YIPF7: variants seen among roughly 807,000 people sequenced by gnomAD.
The protein encoded by YIPF7 is protein YIPF7.
Under a neutral mutation model 27.2 loss-of-function variants are expected in YIPF7, and 35 were observed. The observed-to-expected ratio is 1.29, with a 90% CI of 0.98 to 1.70. YIPF7 has a LOEUF of 1.70. YIPF7 is among the 40% of genes most tolerant of loss of function. The pLI is 0.00. For synonymous variants in YIPF7, 137 were observed against 110.4 expected, an observed-to-expected ratio of 1.24 and a Z score of -1.51; for missense variants, 358 against 303.7, an observed-to-expected ratio of 1.18 and a Z score of -1.33.
At chr4:44,636,162 C>T in intron 2 of YIPF7, 77 bp from the exon 3 acceptor site, 2 of 1,410,786 alleles carry the variant, frequency 1.4e-6, no homozygotes, top group South Asian at 3.1e-5. Context: ...TACAATTTTA[C>T]TTACATGAAT....
Position 44,657,988 on chromosome 4 carries a change from G to A in YIPF7, c.-2+2461C>T, listed in dbSNP as rs112010267. ...AATCCTAGCACTTTGGGAGGCTGAG[G>A]TGGGAGGATCACTTGAGCCCAGGAG... On this transcript the variant is annotated intron_variant, in intron 2 of 2. Coordinates refer to the YIPF7 transcript ENST00000508947. Among the ~76,000 whole-genome samples, 1,299 of 152,214 alleles carry A rather than the reference G, an allele frequency of 8.5e-3. 13 individuals are homozygous for A. Among genetic ancestry groups the A allele is most frequent in the African/African-American group, 0.027 (1,113 of 41,516 alleles).
At chr4:44,638,340 T>C (rs1229832179) in intron 2 of YIPF7, among the ~76,000 whole-genome samples, 1 of 151,784 alleles carries the variant, frequency 6.6e-6, no homozygotes, top group Non-Finnish European at 1.5e-5. Flanking sequence ...CCGCCAGTCA[T>C]GAGTGCATGT....
At chr4:44,651,481 AC>A in intron 1 of YIPF7, 72 bp downstream of exon 1, 1 of 963,096 alleles carries the variant, frequency 1.0e-6, no homozygotes, top group Admixed American at 3.0e-5. Flanking sequence ...GACTATTGGT[AC>A]TACAGTCCTT....
Position 44,636,778 on chromosome 4 carries a change from A to G in YIPF7, c.117-693T>C, listed in dbSNP as rs553768886. Reference sequence around the variant, plus strand: ...CTCTTTATTTTATTTGTACAAATTTATGGGGTACGTATAAAATTTTGTTAC... The same window carrying G: ...CTCTTTATTTTATTTGTACAAATTTGTGGGGTACGTATAAAATTTTGTTAC... On this transcript the variant is annotated intron_variant, in intron 2 of 5. Coordinates refer to ENST00000415895, the MANE Select transcript of YIPF7 (RefSeq NM_182592.3). 2.0e-5 allele frequency among the ~76,000 whole-genome samples: 3 copies of G among 152,214 alleles called. No homozygotes were observed. In the South Asian group the frequency reaches 6.2e-4, roughly 32 times the overall value.
chr4:44,624,601 T>C lies in YIPF7; in HGVS notation c.608A>G (p.Gln203Arg), dbSNP rs1482123817. Residue 203 changes from glutamine to arginine, a missense_variant and splice_region_variant, in exon 5 of 6, where the codon CAG becomes CGG. Coordinates refer to ENST00000415895, the MANE Select transcript of YIPF7 (RefSeq NM_182592.3). ...LSGCAMFFSL[Q>R]GIFGIMSSLV... The stretch of plus-strand genomic sequence containing the variant: ...TCATTGAGAGCACACAGACACTTAC[T>C]GCAGTGAAAAGAACATGGCGCAACC... The C allele has an allele frequency of 6.3e-7, 1 of 1,581,390 alleles. No individual in the cohort carries two copies. The highest frequency in any genetic ancestry group is 1.3e-5 in the African/African-American group (1 of 74,202).
chr4:44,622,874 C>T (rs1712491102), intron 5 of YIPF7, among the ~76,000 whole-genome samples: 1 of 152,156 alleles, frequency 6.6e-6, no homozygotes, highest in Admixed American at 6.5e-5. Flanking sequence ...TCCTAAAATT[C>T]CCTTAAATAC....
At chr4:44,638,539 T>C (rs1713217116) in intron 2 of YIPF7, among the ~76,000 whole-genome samples, 1 of 152,218 alleles carries the variant, frequency 6.6e-6, no homozygotes, top group Non-Finnish European at 1.5e-5. Flanking sequence ...CACTTTTTAA[T>C]GGGATTGTTT....
intron 2 of YIPF7, among the ~76,000 whole-genome samples, chr4:44,648,651 G>C (rs1713612224): frequency 6.6e-6 from 1 of 152,024 alleles, no homozygotes; most frequent in Admixed American, 6.6e-5. Flanking sequence ...AGTGACTTTA[G>C]GTAACAAAGT....
chr4:44,654,054 T>C (rs1024643262), upstream of YIPF7, among the ~76,000 whole-genome samples: 47 of 152,022 alleles, frequency 3.1e-4, no homozygotes, highest in African/African-American at 1.1e-3. Context: ...CAGCCTCAAG[T>C]GAATTATAAA....
intron 3 of YIPF7, among the ~76,000 whole-genome samples, 159 bp downstream of exon 3, chr4:44,635,763 T>G (rs1184629675): frequency 6.6e-6 from 1 of 152,158 alleles, no homozygotes. Flanking sequence ...GCAACAAACT[T>G]CCAATGGTTT....
Position 44,622,348 on chromosome 4 carries a change from T to C in YIPF7, c.*66A>G, listed in dbSNP as rs556877019. ...CAGAAATCATATCACCAAATTTGAA[T>C]GTTAATATATTTCCAAAATAATCTG... On this transcript the variant is annotated 3_prime_UTR_variant, in exon 6 of 6. Coordinates refer to ENST00000415895, the MANE Select transcript of YIPF7 (RefSeq NM_182592.3). The C allele has an allele frequency of 3.5e-5, 53 of 1,508,834 alleles. No individual in the cohort carries two copies. Among genetic ancestry groups the C allele is most frequent in the Non-Finnish European group, 4.5e-5 (51 of 1,124,408 alleles). The allele number at this position is 1,508,834 out of a possible 1,614,324, so 93.5% of individuals were successfully genotyped here. A position where few individuals can be genotyped will look rare whatever the true frequency, so the allele number is the denominator to read the frequency against.
intron 1 of YIPF7, among the ~76,000 whole-genome samples, chr4:44,660,860 G>A (rs1438274936): frequency 6.6e-6 from 1 of 152,146 alleles, no homozygotes; most frequent in Non-Finnish European, 1.5e-5. Context: ...GTTTTTGTAG[G>A]ATGGAAAAAA....
chr4:44,661,149 C>G (rs1478222553), intron 1 of YIPF7, among the ~76,000 whole-genome samples: 1 of 152,108 alleles, frequency 6.6e-6, no homozygotes, highest in Non-Finnish European at 1.5e-5. Context: ...CAAAAATTCT[C>G]CAAAGTAGAA....
At chr4:44,655,918 T>A (rs566592280), upstream of YIPF7, among the ~76,000 whole-genome samples, 1 of 152,134 alleles carries the variant, frequency 6.6e-6, no homozygotes, top group East Asian at 1.9e-4. Flanking sequence ...GAGCTCAATA[T>A]GTTCTATGGC....
upstream of YIPF7, among the ~76,000 whole-genome samples, chr4:44,655,025 A>G (rs1177307079): frequency 6.6e-6 from 1 of 152,040 alleles, no homozygotes; most frequent in Non-Finnish European, 1.5e-5. Flanking sequence ...AGTAGGAATC[A>G]ATAGGAATTT....
At chr4:44,653,171 C>A (rs917776660), upstream of YIPF7, among the ~76,000 whole-genome samples, 8 of 151,966 alleles carry the variant, frequency 5.3e-5, no homozygotes, top group South Asian at 6.2e-4. Context: ...AATAAAAAGC[C>A]AATGTTGCTA....
upstream of YIPF7, among the ~76,000 whole-genome samples, chr4:44,656,573 T>C (rs1009407391): frequency 6.6e-6 from 1 of 152,098 alleles, no homozygotes; most frequent in African/African-American, 2.4e-5. Context: ...TGGCAAGTAG[T>C]AAATTGTCAA....
intron 2 of YIPF7, among the ~76,000 whole-genome samples, chr4:44,658,042 G>A (rs1268183841): frequency 6.6e-6 from 1 of 152,072 alleles, no homozygotes; most frequent in African/African-American, 2.4e-5. Context: ...AATATAGTGA[G>A]ACCCCACCTT....
At chr4:44,653,881 G>A (rs1286844101), upstream of YIPF7, among the ~76,000 whole-genome samples, 1 of 151,834 alleles carries the variant, frequency 6.6e-6, no homozygotes, top group Non-Finnish European at 1.5e-5. Flanking sequence ...TCCACAAAAA[G>A]CCTACCAAAG....
Sources: gnomAD v4.1 joint callset for allele counts (sites outside exome capture counted in the v4.1 genomes callset) on GRCh38, gnomAD v4.1.1 for gene constraint, MANE v1.5 for transcripts, NCBI Gene and HGNC (gene_info 2026-07-23, HGNC 2026-07-21) for gene names.